The following SPATA6 variants were observed in gnomAD, a reference collection of about 807,000 sequenced individuals.
SPATA6 encodes spermatogenesis-associated protein 6.
Under a neutral mutation model 65.3 loss-of-function variants are expected in SPATA6, and 56 were observed. The observed-to-expected ratio is 0.86, with a 90% CI of 0.69 to 1.07. The LOEUF (loss-of-function observed/expected upper bound fraction) is 1.07. Ranked by LOEUF, SPATA6 falls within the 50% of genes least tolerant of loss-of-function variation. The pLI is 0.00. For missense variants in SPATA6, 590 were observed against 594.8 expected (o/e 0.99, Z 0.08); for synonymous variants, 199 against 213.2 (o/e 0.93, Z 0.58).
At chr1:48,404,772 T>A (rs986236602) in intron 5 of SPATA6, among the ~76,000 whole-genome samples, 2 of 152,224 alleles carry the variant, frequency 1.3e-5, no homozygotes, top group Admixed American at 6.5e-5. Context: ...TACATTCATA[T>A]CTAGAAATGA....
intron 11 of SPATA6, among the ~76,000 whole-genome samples, chr1:48,328,868 G>A (rs1014691602): frequency 6.6e-5 from 10 of 151,880 alleles, no homozygotes; most frequent in African/African-American, 2.2e-4. Flanking sequence ...GATAAAAGAG[G>A]GTAAATAATT....
the SPATA6 span, among the ~76,000 whole-genome samples, chr1:48,270,572 A>G: frequency 6.6e-6 from 1 of 152,108 alleles, no homozygotes; most frequent in Non-Finnish European, 1.5e-5. Context: ...AACTGAGATT[A>G]CACATACCTA....
At chr1:48,323,072 T>C (rs898313856) in intron 11 of SPATA6, among the ~76,000 whole-genome samples, 3 of 152,148 alleles carry the variant, frequency 2.0e-5, no homozygotes, top group Admixed American at 2.0e-4. Flanking sequence ...CATTACTGGG[T>C]ATATACCCAA....
intron 11 of SPATA6, among the ~76,000 whole-genome samples, chr1:48,310,021 C>A (rs893813538): frequency 6.6e-6 from 1 of 152,196 alleles, no homozygotes; most frequent in Admixed American, 6.5e-5. Flanking sequence ...CACAGTCCTA[C>A]AAATATGAGT....
chr1:48,453,620 A>AT (rs1378046761), intron 1 of SPATA6, among the ~76,000 whole-genome samples: 1 of 152,202 alleles, frequency 6.6e-6, no homozygotes, highest in Non-Finnish European at 1.5e-5. Context: ...ACAAAGTTTC[A>AT]AAGCTAATAA....
In SPATA6 at chr1:48,298,834, C is replaced by G. The variant is rs1425335272; in HGVS notation, c.1346G>C (p.Arg449Thr). 1.2e-6 allele frequency: 2 copies of G among 1,613,862 alleles called. No homozygotes were observed. Among genetic ancestry groups the G allele is most frequent in the Admixed American group, 1.7e-5 (1 of 59,982 alleles). The change falls in exon 13 of 13, where the codon AGG becomes ACG. Residue 449 changes from arginine (R) to threonine (T), a missense_variant. Transcript: ENST00000371847. ...GGATTTTCCCTTATAAGAGGCTGCC[C>G]TGTTGGACCAGTATTCACCGTCATC... ...HLDDGEYWSN[R>T]AASYKGKSHR...
At position 48,429,393 on chromosome 1, in the gene SPATA6, C is replaced by A. The variant is rs141676427; in HGVS notation, c.239-16242G>T. On this transcript the variant is annotated intron_variant, in intron 3 of 12. Coordinates refer to ENST00000371847, the MANE Select transcript of SPATA6 (RefSeq NM_019073.4). Reference sequence around the variant, plus strand: ...GACCATACATGCTCAGGGGAAGGCTCCGAAAATACTTAAGGAGACATTACA... The same window carrying A: ...GACCATACATGCTCAGGGGAAGGCTACGAAAATACTTAAGGAGACATTACA... Among the ~76,000 whole-genome samples, 806 of 152,154 alleles carry A rather than the reference C, an allele frequency of 5.3e-3. 21 individuals carry two copies. Among genetic ancestry groups the A allele is most frequent in the South Asian group, 0.05 (242 of 4,818 alleles).
intron 3 of SPATA6, among the ~76,000 whole-genome samples, chr1:48,414,796 T>C (rs1472242011): frequency 6.6e-6 from 1 of 152,128 alleles, no homozygotes; most frequent in African/African-American, 2.4e-5. Context: ...TACAAATACT[T>C]ACATAAGGCA....
intron 11 of SPATA6, among the ~76,000 whole-genome samples, chr1:48,350,916 G>C (rs987936048): frequency 6.6e-6 from 1 of 151,756 alleles, no homozygotes; most frequent in African/African-American, 2.4e-5. Flanking sequence ...ACATGTGCTG[G>C]AATTTTGATT....
chr1:48,302,201 T>C (rs1644955720), intron 12 of SPATA6, among the ~76,000 whole-genome samples: 1 of 152,226 alleles, frequency 6.6e-6, no homozygotes, highest in Admixed American at 6.5e-5. Context: ...TTCTTTATTT[T>C]TTTAATTGTT....
chr1:48,361,949 C>T (rs964607956), intron 9 of SPATA6, among the ~76,000 whole-genome samples: 5 of 151,962 alleles, frequency 3.3e-5, no homozygotes, highest in Non-Finnish European at 5.9e-5. Flanking sequence ...AGTTACAGTC[C>T]CCAATAACTG....
In SPATA6 at chr1:48,319,729, A is replaced by T. The variant is rs554612604; in HGVS notation, c.1195-13851T>A. Among the ~76,000 whole-genome samples, 7 of 152,110 alleles carry T rather than the reference A, an allele frequency of 4.6e-5. No homozygotes were observed. In the South Asian group the frequency reaches 1.2e-3, roughly 27 times the overall value. ...CTGTTGACCCTGCACCCCTGCTCCA[A>T]CACCTCCAGACTAACACAGCGAGCC... On this transcript the variant is annotated intron_variant, in intron 11 of 12. Coordinates refer to ENST00000371847, the MANE Select transcript of SPATA6 (RefSeq NM_019073.4).
chr1:48,373,111 A>C (rs1647483336), intron 9 of SPATA6, among the ~76,000 whole-genome samples: 1 of 152,178 alleles, frequency 6.6e-6, no homozygotes, highest in African/African-American at 2.4e-5. Flanking sequence ...ATTTCTCCCC[A>C]AAAAACAGGT....
intron 6 of SPATA6, 135 bp from the exon 7 acceptor site, chr1:48,399,779 T>C: frequency 1.4e-6 from 1 of 736,222 alleles, no homozygotes; most frequent in Admixed American, 3.1e-5. Flanking sequence ...TTCCTATCTG[T>C]GCTGATCCTG....
At chr1:48,262,433 A>G in the SPATA6 span, 1 of 152,146 alleles carries the variant, frequency 6.6e-6, no homozygotes, top group East Asian at 1.9e-4. Flanking sequence ...TCTGCCATCC[A>G]TTTTCCACTT....
At chr1:48,376,174 C>T (rs1018675230) in intron 9 of SPATA6, among the ~76,000 whole-genome samples, 3 of 152,114 alleles carry the variant, frequency 2.0e-5, no homozygotes, top group African/African-American at 7.2e-5. Context: ...GCTTTCCTTT[C>T]CATCTGACCT....
At chr1:48,469,985 G>A (rs1448529682) in intron 1 of SPATA6, among the ~76,000 whole-genome samples, 1 of 152,060 alleles carries the variant, frequency 6.6e-6, no homozygotes. Flanking sequence ...TGTAAAAAGG[G>A]ATTGAATCCA....
chr1:48,341,742 C>T (rs1224781961), intron 11 of SPATA6, among the ~76,000 whole-genome samples: 2 of 152,124 alleles, frequency 1.3e-5, no homozygotes, highest in African/African-American at 4.8e-5. Flanking sequence ...AAAGTTCATA[C>T]TAGTTTTGCT....
At chr1:48,270,552 T>C in the SPATA6 span, among the ~76,000 whole-genome samples, 1 of 152,212 alleles carries the variant, frequency 6.6e-6, no homozygotes, top group South Asian at 2.1e-4. Flanking sequence ...CTCAGTTTCC[T>C]AGTCTGTAAA....
Sources: gnomAD v4.1 joint callset for allele counts (sites outside exome capture counted in the v4.1 genomes callset) on GRCh38, gnomAD v4.1.1 for gene constraint, MANE v1.5 for transcripts, NCBI Gene and HGNC (gene_info 2026-07-23, HGNC 2026-07-21) for gene names.